Variants in TRPC7 observed in about 807,000 individuals in gnomAD.
The protein encoded by TRPC7 is short transient receptor potential channel 7.
Under a neutral mutation model 90.1 loss-of-function variants are expected in TRPC7, and 42 were observed. That is an observed-to-expected ratio of 0.47 (90% CI 0.36 to 0.60). The LOEUF (loss-of-function observed/expected upper bound fraction) is 0.60, where lower values mean the gene tolerates loss of function less well. TRPC7 is among the 20% of genes least tolerant of loss of function. The probability of loss-of-function intolerance (pLI) is 0.00; values close to 1 mark genes in which losing one functional copy is unlikely to be tolerated. For missense variants in TRPC7, 955 were observed against 1,112.3 expected, an observed-to-expected ratio of 0.86 and a Z score of 2.01; for synonymous variants, 451 against 436.3, an observed-to-expected ratio of 1.03 and a Z score of -0.42.
chr5:136,283,226 G>A (rs920858332), intron 3 of TRPC7, among the ~76,000 whole-genome samples: 1 of 152,216 alleles, frequency 6.6e-6, no homozygotes, highest in Non-Finnish European at 1.5e-5. Context: ...GGGTTCCTTT[G>A]GACCTTGATG....
chr5:136,352,688 A>G (rs1220442836), intron 2 of TRPC7, among the ~76,000 whole-genome samples: 1 of 152,216 alleles, frequency 6.6e-6, no homozygotes, highest in African/African-American at 2.4e-5. Context: ...CTCCTACTGC[A>G]TAGATAAACC....
At chr5:136,339,347 T>G (rs1759771175) in intron 2 of TRPC7, among the ~76,000 whole-genome samples, 1 of 152,222 alleles carries the variant, frequency 6.6e-6, no homozygotes, top group African/African-American at 2.4e-5. Context: ...GGCCACAAGG[T>G]TAGAATTATG....
intron 3 of TRPC7, 94 bp downstream of exon 3, chr5:136,315,503 G>C (rs1758984106): frequency 7.3e-7 from 1 of 1,370,734 alleles, no homozygotes; most frequent in African/African-American, 1.4e-5. Flanking sequence ...TGGTCACCCT[G>C]TGGGAACATA....
chr5:136,343,019 A>G (rs1265249283), intron 2 of TRPC7, among the ~76,000 whole-genome samples: 2 of 152,154 alleles, frequency 1.3e-5, no homozygotes, highest in African/African-American at 2.4e-5. Context: ...AGATTATTTA[A>G]TGGATGAAAC....
intron 10 of TRPC7, among the ~76,000 whole-genome samples, chr5:136,217,641 C>T (rs1561675363): frequency 6.6e-6 from 1 of 152,222 alleles, no homozygotes; most frequent in Admixed American, 6.5e-5. Flanking sequence ...GGGTCTTATC[C>T]TACTAGCGGT....
At chr5:136,222,339 T>C (rs1213305187) in intron 10 of TRPC7, among the ~76,000 whole-genome samples, 1 of 152,208 alleles carries the variant, frequency 6.6e-6, no homozygotes, top group Non-Finnish European at 1.5e-5. Context: ...TGAACGATGG[T>C]GCTTTTATCT....
intron 3 of TRPC7, among the ~76,000 whole-genome samples, chr5:136,275,126 G>A (rs1757323152): frequency 6.6e-6 from 1 of 152,096 alleles, no homozygotes; most frequent in Non-Finnish European, 1.5e-5. Flanking sequence ...TCAGCTTTTC[G>A]GTACATGCTT....
intron 3 of TRPC7, among the ~76,000 whole-genome samples, chr5:136,289,167 T>A (rs1297110344): frequency 6.6e-6 from 1 of 151,880 alleles, no homozygotes; most frequent in East Asian, 1.9e-4. Context: ...GAAAAACAAG[T>A]ATTAGGGGGT....
chr5:136,266,960 G>A (rs537915213), intron 4 of TRPC7, among the ~76,000 whole-genome samples: 18 of 152,190 alleles, frequency 1.2e-4, no homozygotes, highest in Admixed American at 3.9e-4. Flanking sequence ...TTGACATTCT[G>A]TTATAAATAT....
chr5:136,328,584 T>C (rs771774473), intron 2 of TRPC7, among the ~76,000 whole-genome samples: 2 of 152,246 alleles, frequency 1.3e-5, no homozygotes, highest in African/African-American at 2.4e-5. Context: ...ATTTTGAGTG[T>C]ATAACTTAAT....
At chr5:136,322,201 G>C (rs997444626) in intron 2 of TRPC7, among the ~76,000 whole-genome samples, 1 of 152,052 alleles carries the variant, frequency 6.6e-6, no homozygotes, top group Admixed American at 6.6e-5. Flanking sequence ...TTTTAGTAGA[G>C]ACAGGGTTTC....
intron 2 of TRPC7, among the ~76,000 whole-genome samples, chr5:136,353,178 G>A (rs967619575): frequency 6.6e-6 from 1 of 152,284 alleles, no homozygotes; most frequent in African/African-American, 2.4e-5. Flanking sequence ...ATAATGGCTT[G>A]CTAGCGGGCA....
intron 10 of TRPC7, among the ~76,000 whole-genome samples, chr5:136,221,214 C>G (rs1018585271): frequency 6.6e-6 from 1 of 152,132 alleles, no homozygotes; most frequent in East Asian, 1.9e-4. Flanking sequence ...AATAAGCTTT[C>G]TCCAAGTTAC....
intron 1 of TRPC7, among the ~76,000 whole-genome samples, chr5:136,363,864 G>T (rs1581001153): frequency 6.6e-6 from 1 of 152,138 alleles, no homozygotes; most frequent in Admixed American, 6.5e-5. Flanking sequence ...CTATTTGGAA[G>T]TTGGAAGTTA....
chr5:136,273,281 A>G (rs1757261183), intron 4 of TRPC7, among the ~76,000 whole-genome samples: 1 of 152,176 alleles, frequency 6.6e-6, no homozygotes, highest in South Asian at 2.1e-4. Context: ...AAATCTGGTT[A>G]GTTTTTTCAC....
chr5:136,276,695 C>T (rs899658227), intron 3 of TRPC7, among the ~76,000 whole-genome samples: 1 of 152,190 alleles, frequency 6.6e-6, no homozygotes, highest in Non-Finnish European at 1.5e-5. Flanking sequence ...TACTGCTATG[C>T]TTTCTTCTAA....
intron 3 of TRPC7, among the ~76,000 whole-genome samples, chr5:136,300,908 G>A (rs551414524): frequency 2.3e-4 from 35 of 152,308 alleles, no homozygotes; most frequent in African/African-American, 1.7e-4. Context: ...TGAACCAAGA[G>A]TCCACCATCC....
intron 2 of TRPC7, among the ~76,000 whole-genome samples, chr5:136,355,449 A>T (rs532537775): frequency 6.6e-6 from 1 of 152,328 alleles, no homozygotes; most frequent in South Asian, 2.1e-4. Flanking sequence ...GAGAAGATTA[A>T]ATAAGATCAT....
chr5:136,310,071 T>A (rs1425892596), intron 3 of TRPC7, among the ~76,000 whole-genome samples: 1 of 152,162 alleles, frequency 6.6e-6, no homozygotes, highest in Admixed American at 6.5e-5. Flanking sequence ...CCTGCCTGCA[T>A]CCTTACAGAC....
Sources: allele counts gnomAD v4.1 joint callset (sites outside exome capture counted in the v4.1 genomes callset), GRCh38; gene constraint gnomAD v4.1.1; transcripts MANE v1.5; gene names NCBI Gene and HGNC (gene_info 2026-07-23, HGNC 2026-07-21).